The following KCTD1 variants were observed in gnomAD, a reference collection of about 807,000 sequenced individuals.
KCTD1 encodes the protein potassium channel tetramerization domain containing 1, also known as BTB/POZ domain-containing protein KCTD1.
A neutral mutation model predicts 66.0 loss-of-function variants in KCTD1; 24 were observed. The ratio of observed to expected loss-of-function variants is 0.36; its 90% CI spans 0.26 to 0.51. The LOEUF is 0.51. KCTD1 is among the 20% of genes least tolerant of loss of function. The pLI is 0.95. For synonymous variants in KCTD1, 511 were observed against 517.2 expected, an observed-to-expected ratio of 0.99 and a Z score of 0.16; for missense variants, 943 against 1,205.2, an observed-to-expected ratio of 0.78 and a Z score of 3.22.
rs1598924874 is a variant in KCTD1 at position 26,535,135 on chromosome 18, G to C, written c.1809+11593C>G. Among the ~76,000 whole-genome samples, 7 of 150,914 alleles carry C rather than the reference G, an allele frequency of 4.6e-5. No homozygotes were observed. In the South Asian group the frequency reaches 1.5e-3, roughly 32 times the overall value. On this transcript the variant is annotated intron_variant, in intron 1 of 4. Coordinates refer to ENST00000580059, the MANE Select transcript of KCTD1 (RefSeq NM_001142730.3). The stretch of plus-strand genomic sequence containing the variant: ...GGGGTGGGGGTGGAGCTGCCATCCT[G>C]TGCCAAGAGGTAAACCCTTCCCCCA...
intron 1 of KCTD1, among the ~76,000 whole-genome samples, chr18:26,651,602 G>A (rs184310354): frequency 6.6e-6 from 1 of 151,992 alleles, no homozygotes; most frequent in Admixed American, 6.6e-5. Context: ...TGGCCAAAAT[G>A]GTGAAACCCC....
intron 1 of KCTD1, among the ~76,000 whole-genome samples, chr18:26,609,837 A>T (rs1987095286): frequency 6.6e-6 from 1 of 152,264 alleles, no homozygotes; most frequent in African/African-American, 2.4e-5. Context: ...CACCGGCTCC[A>T]GTGACAAACT....
intron 1 of KCTD1, among the ~76,000 whole-genome samples, chr18:26,508,286 A>G (rs1983151590): frequency 6.6e-6 from 1 of 152,014 alleles, no homozygotes; most frequent in South Asian, 2.1e-4. Context: ...CATCTCACCT[A>G]CCCAACAGAG....
At chr18:26,643,739 T>G (rs188031302), upstream of KCTD1, among the ~76,000 whole-genome samples, 744 of 152,174 alleles carry the variant, frequency 4.9e-3, 1 homozygote, top group Non-Finnish European at 6.4e-3. Flanking sequence ...AAGGCGGGCA[T>G]ATCACGAGGT....
intron 1 of KCTD1, among the ~76,000 whole-genome samples, chr18:26,514,226 G>T (rs1414703398): frequency 1.3e-5 from 2 of 152,122 alleles, no homozygotes; most frequent in African/African-American, 4.8e-5. Flanking sequence ...TTTTCCAAAA[G>T]ATATATTTGG....
At chr18:26,519,862 G>T (rs1484780135) in intron 1 of KCTD1, among the ~76,000 whole-genome samples, 1 of 152,236 alleles carries the variant, frequency 6.6e-6, no homozygotes, top group Non-Finnish European at 1.5e-5. Context: ...CTAGGTAAAA[G>T]TCTATATATT....
At chr18:26,539,119 T>C (rs572754493) in intron 1 of KCTD1, among the ~76,000 whole-genome samples, 3 of 152,322 alleles carry the variant, frequency 2.0e-5, no homozygotes, top group African/African-American at 7.2e-5. Context: ...TTGATATGAA[T>C]TTTGCAATCA....
At position 26,508,880 on chromosome 18, in the gene KCTD1, A is replaced by G. The variant is rs562736040; in HGVS notation, c.1810-7630T>C. Among the ~76,000 whole-genome samples, 7 of 152,238 alleles carry G rather than the reference A, an allele frequency of 4.6e-5. No individual in the cohort carries two copies. In the East Asian group the frequency reaches 7.7e-4, roughly 17 times the overall value. On this transcript the variant is annotated intron_variant, in intron 1 of 4. Transcript: ENST00000580059. ...GATGGAAATTTGCGGTTGCCTTGGGAGTGTTGTTTCAGGAATGACATAATC... is the reference window on the plus strand; with the variant it reads ...GATGGAAATTTGCGGTTGCCTTGGGGGTGTTGTTTCAGGAATGACATAATC...
At chr18:26,570,363 TTCTA>T (rs1291630314) in intron 1 of KCTD1, among the ~76,000 whole-genome samples, 1 of 152,024 alleles carries the variant, frequency 6.6e-6, no homozygotes, top group African/African-American at 2.4e-5. Context: ...TGTAACTCCA[TTCTA>T]TCTAAGGATG....
chr18:26,618,688 G>A (rs536378404), intron 1 of KCTD1, among the ~76,000 whole-genome samples: 2 of 152,118 alleles, frequency 1.3e-5, no homozygotes, highest in African/African-American at 4.8e-5. Flanking sequence ...CCAAATCAGG[G>A]TTGTTATTAT....
intron 1 of KCTD1, among the ~76,000 whole-genome samples, chr18:26,571,608 TTTAA>T: frequency 6.7e-6 from 1 of 150,370 alleles, no homozygotes; most frequent in East Asian, 1.9e-4. Context: ...TTTGTGTTAT[TTTAA>T]TTGTTGTATT....
At chr18:26,555,895 T>C (rs993733650) in intron 1 of KCTD1, among the ~76,000 whole-genome samples, 13 of 152,138 alleles carry the variant, frequency 8.5e-5, no homozygotes, top group African/African-American at 3.1e-4. Context: ...CTTCATGACA[T>C]TGAGAAAGTT....
intron 1 of KCTD1, among the ~76,000 whole-genome samples, chr18:26,607,472 C>A (rs1306515021): frequency 1.3e-5 from 2 of 152,188 alleles, no homozygotes; most frequent in East Asian, 3.8e-4. Flanking sequence ...ATATCTTTTG[C>A]ACAAATGAAA....
At chr18:26,637,933 A>G (rs1366197909) in intron 1 of KCTD1, among the ~76,000 whole-genome samples, 3 of 152,170 alleles carry the variant, frequency 2.0e-5, no homozygotes, top group Admixed American at 1.3e-4. Flanking sequence ...GGCTATTGTT[A>G]TCATTTTTGT....
chr18:26,609,899 A>C (rs867439450), intron 1 of KCTD1, among the ~76,000 whole-genome samples: 1 of 152,346 alleles, frequency 6.6e-6, no homozygotes, highest in Middle Eastern at 3.4e-3. Flanking sequence ...AAAACACATA[A>C]AGTGTGTCAA....
chr18:26,511,533 G>A (rs1435008728), intron 1 of KCTD1, among the ~76,000 whole-genome samples: 1 of 152,196 alleles, frequency 6.6e-6, no homozygotes, highest in Non-Finnish European at 1.5e-5. Flanking sequence ...AGCAAAGGTT[G>A]GCAATGAAAC....
upstream of KCTD1, among the ~76,000 whole-genome samples, chr18:26,641,115 GTGTGTATGTAAGGCC>G (rs1274413111): frequency 6.6e-6 from 1 of 152,140 alleles, no homozygotes; most frequent in Non-Finnish European, 1.5e-5. Context: ...GGCTTGCTGT[GTGTGTATGTAAGGCC>G]TGTTTATACC....
At chr18:26,507,694 C>A (rs947675825) in intron 1 of KCTD1, among the ~76,000 whole-genome samples, 1 of 151,954 alleles carries the variant, frequency 6.6e-6, no homozygotes, top group Non-Finnish European at 1.5e-5. Flanking sequence ...TCTTTACTGA[C>A]ACTATACTTT....
chr18:26,645,805 T>C (rs1274267271), intron 1 of KCTD1, among the ~76,000 whole-genome samples: 3 of 151,008 alleles, frequency 2.0e-5, no homozygotes, highest in Non-Finnish European at 2.9e-5. Context: ...TCAGCATCCA[T>C]TGGGAACCTG....
Sources: allele counts gnomAD v4.1 joint callset (sites outside exome capture counted in the v4.1 genomes callset), GRCh38; gene constraint gnomAD v4.1.1; transcripts MANE v1.5; gene names NCBI Gene and HGNC (gene_info 2026-07-23, HGNC 2026-07-21).